The following ALCAM variants were observed in gnomAD, a reference collection of about 807,000 sequenced individuals.
ALCAM encodes the protein CD166 antigen.
A neutral mutation model predicts 70.9 loss-of-function variants in ALCAM; 30 were observed. The observed-to-expected ratio is 0.42, with a 90% CI of 0.32 to 0.57. ALCAM has a LOEUF of 0.57. Ranked by LOEUF, ALCAM falls within the 20% of genes least tolerant of loss-of-function variation. The pLI, the probability that ALCAM is intolerant of heterozygous loss-of-function variation, is 0.11. For missense variants in ALCAM, 591 were observed against 695.1 expected (o/e 0.85, Z 1.68); for synonymous variants, 249 against 242.5 (o/e 1.03, Z -0.25).
At chr3:105,372,649 A>G (rs544202588) in intron 1 of ALCAM, among the ~76,000 whole-genome samples, 2 of 152,232 alleles carry the variant, frequency 1.3e-5, no homozygotes, top group East Asian at 3.9e-4. Flanking sequence ...ACATGTCTAT[A>G]CTTGTCTGGT....
At chr3:105,458,912 C>A (rs1937568146) in intron 1 of ALCAM, among the ~76,000 whole-genome samples, 2 of 152,154 alleles carry the variant, frequency 1.3e-5, no homozygotes, top group Admixed American at 6.6e-5. Context: ...CCTTTACACT[C>A]ATCTTTTGGA....
intron 1 of ALCAM, among the ~76,000 whole-genome samples, chr3:105,470,136 C>T (rs201133300): frequency 0.18 from 27,296 of 147,964 alleles, 2,774 homozygotes; most frequent in East Asian, 0.37. Flanking sequence ...TATACATACA[C>T]ACACACACAC....
At chr3:105,567,432 CT>C (rs951560791) in intron 14 of ALCAM, among the ~76,000 whole-genome samples, 46 of 147,720 alleles carry the variant, frequency 3.1e-4, no homozygotes, top group Admixed American at 4.7e-4. Context: ...GATCTGCTCA[CT>C]TTTTTTTTTT....
intron 1 of ALCAM, among the ~76,000 whole-genome samples, chr3:105,463,514 G>T (rs1399931507): frequency 6.6e-6 from 1 of 151,358 alleles, no homozygotes; most frequent in African/African-American, 2.4e-5. Context: ...GCATTTTGGT[G>T]AACAATAAAA....
At chr3:105,476,466 G>A (rs1237765467) in intron 1 of ALCAM, among the ~76,000 whole-genome samples, 1 of 151,992 alleles carries the variant, frequency 6.6e-6, no homozygotes, top group Non-Finnish European at 1.5e-5. Flanking sequence ...ATCCCAATAA[G>A]TACCCCATCT....
chr3:105,552,682 A>G, intron 14 of ALCAM, 97 bp downstream of exon 14: 6 of 1,584,600 alleles, frequency 3.8e-6, no homozygotes, highest in African/African-American at 1.4e-5. Context: ...CATATAATTT[A>G]TACAATAAGG....
At chr3:105,374,000 T>C (rs1263419078) in intron 1 of ALCAM, among the ~76,000 whole-genome samples, 6 of 152,124 alleles carry the variant, frequency 3.9e-5, no homozygotes, top group African/African-American at 1.4e-4. Flanking sequence ...TTTAGTAGTA[T>C]TAATGAAAAA....
intron 1 of ALCAM, among the ~76,000 whole-genome samples, chr3:105,457,808 C>T (rs994915836): frequency 1.3e-5 from 2 of 152,070 alleles, no homozygotes; most frequent in African/African-American, 2.4e-5. Flanking sequence ...AGCAAAACTT[C>T]CCAGGGTCTC....
intron 11 of ALCAM, among the ~76,000 whole-genome samples, chr3:105,548,629 G>A (rs1054046748): frequency 6.6e-6 from 1 of 151,320 alleles, no homozygotes; most frequent in Admixed American, 6.6e-5. Flanking sequence ...CTCTAGATAT[G>A]GAAAGCCCTC....
At chr3:105,419,653 A>T (rs1223633850) in intron 1 of ALCAM, among the ~76,000 whole-genome samples, 1 of 151,792 alleles carries the variant, frequency 6.6e-6, no homozygotes, top group Non-Finnish European at 1.5e-5. Flanking sequence ...AAAATTTCCC[A>T]TAGGGAATTT....
chr3:105,373,614 CCCTTTT>C (rs2107320671), intron 1 of ALCAM, among the ~76,000 whole-genome samples: 1 of 152,170 alleles, frequency 6.6e-6, no homozygotes, highest in East Asian at 1.9e-4. Context: ...CTTAACTTTT[CCCTTTT>C]CCTTTTCCCT....
chr3:105,565,444 CTG>C (rs1940722903), intron 14 of ALCAM, among the ~76,000 whole-genome samples: 2 of 152,142 alleles, frequency 1.3e-5, no homozygotes, highest in Non-Finnish European at 2.9e-5. Flanking sequence ...ATTATCATTT[CTG>C]ATCTGTGTTT....
chr3:105,508,846 C>G (rs912267889), intron 1 of ALCAM, among the ~76,000 whole-genome samples: 2 of 152,010 alleles, frequency 1.3e-5, no homozygotes, highest in African/African-American at 2.4e-5. Flanking sequence ...ACAGTTGTAA[C>G]TTTGTAGCCT....
intron 14 of ALCAM, among the ~76,000 whole-genome samples, chr3:105,555,937 A>T (rs1481100152): frequency 6.6e-6 from 1 of 151,798 alleles, no homozygotes; most frequent in Non-Finnish European, 1.5e-5. Context: ...GATGACTCTG[A>T]TTTTTTTCCA....
chr3:105,379,423 G>A (rs1361322137), intron 1 of ALCAM, among the ~76,000 whole-genome samples: 1 of 151,124 alleles, frequency 6.6e-6, no homozygotes, highest in Non-Finnish European at 1.5e-5. Context: ...TATCATCTCA[G>A]GAAAAACAAA....
At chr3:105,417,942 T>G (rs1363503589) in intron 1 of ALCAM, among the ~76,000 whole-genome samples, 1 of 146,560 alleles carries the variant, frequency 6.8e-6, no homozygotes, top group South Asian at 2.2e-4. Flanking sequence ...AAATGAATAT[T>G]CTTTTTTTTT....
chr3:105,477,080 C>T lies in ALCAM; in HGVS notation c.74-42987C>T, dbSNP rs560362000. Among the ~76,000 whole-genome samples the T allele has an allele frequency of 2.4e-4, 37 of 152,204 alleles. 1 individual carries two copies. The South Asian group carries it at 4.8e-3, about 20-fold the overall frequency. ...TCCCACCATGATTCTGAGGCCTCCC[C>T]AGCCATGTGGAACTGTTAAGTCCAA... On this transcript the variant is annotated intron_variant, in intron 1 of 15. Coordinates refer to ENST00000306107, the MANE Select transcript of ALCAM (RefSeq NM_001627.4).
rs183767015 is a variant in ALCAM, at chr3:105,373,030, A to T, written c.73+5549A>T. ...CAAAATCACATTTCAAGTTTTAGAA[A>T]AATTTTACCCTCACCTGGCCCTTTT... On this transcript the variant is annotated intron_variant, in intron 1 of 15. Transcript: ENST00000306107. Among the ~76,000 whole-genome samples the T allele has an allele frequency of 9.1e-4, 139 of 152,240 alleles. 1 individual carries two copies. Among genetic ancestry groups the T allele is most frequent in the Non-Finnish European group, 8.2e-4 (56 of 67,974 alleles).
chr3:105,509,143 A>G (rs1939164911), intron 1 of ALCAM, among the ~76,000 whole-genome samples: 1 of 152,156 alleles, frequency 6.6e-6, no homozygotes, highest in Admixed American at 6.5e-5. Flanking sequence ...GGTTGTGTCC[A>G]TATCTTGGCT....
Sources: gnomAD v4.1 joint callset for allele counts (sites outside exome capture counted in the v4.1 genomes callset) on GRCh38, gnomAD v4.1.1 for gene constraint, MANE v1.5 for transcripts, NCBI Gene and HGNC (gene_info 2026-07-23, HGNC 2026-07-21) for gene names.